The following TGM4 variants were observed in gnomAD, a reference collection of about 807,000 sequenced individuals.
TGM4 encodes the protein protein-glutamine gamma-glutamyltransferase 4.
TGM4 carries 61 observed loss-of-function variants against 76.3 expected under a neutral mutation model. The ratio of observed to expected loss-of-function variants is 0.80; its 90% CI spans 0.65 to 0.99. The LOEUF is 0.99. Among genes scored for constraint, TGM4 ranks in the 50% least tolerant of loss-of-function variants. TGM4 has a pLI of 0.00. For synonymous variants in TGM4, 337 were observed against 329.8 expected, an observed-to-expected ratio of 1.02 and a Z score of -0.24; for missense variants, 794 against 843.2, an observed-to-expected ratio of 0.94 and a Z score of 0.72.
In TGM4 at chr3:44,888,251, G is replaced by A. The variant is rs76225567; in HGVS notation, c.300+456G>A. On this transcript the variant is annotated intron_variant, in intron 3 of 13. Transcript: ENST00000296125. ...CCGAGTGTGTGGCTTACGGTGGCTG[G>A]TTTTCCACCCTTTTTGGGAGCACTG... 1,083 of 169,372 alleles carry A rather than the reference G, an allele frequency of 6.4e-3. 11 individuals carry two copies. Among genetic ancestry groups the A allele is most frequent in the African/African-American group, 0.023 (978 of 42,086 alleles). The allele number at this position is 169,372 out of a possible 1,614,324, so 10.5% of individuals were successfully genotyped here.
At position 44,913,819 on chromosome 3, in the gene TGM4, A is replaced by G; in HGVS notation, c.*94A>G. ...TATGGATGATTAAATTTGATGACTT[A>G]TATGAGGGCAGATTCAAGAGCCAGC... is the stretch of plus-strand genomic sequence containing the variant. On this transcript the variant is annotated 3_prime_UTR_variant, in exon 14 of 14. Coordinates refer to ENST00000296125, the MANE Select transcript of TGM4 (RefSeq NM_003241.4). 1 of 1,507,846 alleles carries G rather than the reference A, an allele frequency of 6.6e-7. No homozygotes were observed. Among genetic ancestry groups the G allele is most frequent in the South Asian group, 1.3e-5 (1 of 74,238 alleles). The allele number at this position is 1,507,846 out of a possible 1,614,324, so 93.4% of individuals were successfully genotyped here. A position where few individuals can be genotyped will look rare whatever the true frequency, so the allele number is the denominator to read the frequency against.
chr3:44,876,653 A>G (rs1699455255), intron 1 of TGM4, among the ~76,000 whole-genome samples: 1 of 152,262 alleles, frequency 6.6e-6, no homozygotes, highest in Non-Finnish European at 1.5e-5. Flanking sequence ...AAGAAAATGA[A>G]GGCAATATGA....
At chr3:44,903,782 T>A in intron 8 of TGM4, 102 bp from the exon 9 acceptor site, 1 of 1,079,312 alleles carries the variant, frequency 9.3e-7, no homozygotes, top group Admixed American at 1.7e-5. Flanking sequence ...ACAACCTCAG[T>A]GGGTCCCCGG....
intron 13 of TGM4, among the ~76,000 whole-genome samples, chr3:44,912,255 T>C (rs1013978453): frequency 6.6e-6 from 1 of 152,246 alleles, no homozygotes; most frequent in African/African-American, 2.4e-5. Context: ...CCTAGGTGCA[T>C]AGAAATATTC....
intron 1 of TGM4, among the ~76,000 whole-genome samples, chr3:44,881,743 T>G (rs1029230760): frequency 2.0e-5 from 3 of 152,258 alleles, no homozygotes; most frequent in African/African-American, 7.2e-5. Flanking sequence ...ACTTTGCTTT[T>G]TAAAACTCCA....
intron 3 of TGM4, chr3:44,888,013 C>T (rs906703136): frequency 1.1e-5 from 6 of 545,354 alleles, no homozygotes; most frequent in African/African-American, 1.9e-5. Flanking sequence ...TCCTACATGT[C>T]ACCCTTCCCC....
At chr3:44,900,072 G>T (rs751793365) in intron 6 of TGM4, among the ~76,000 whole-genome samples, 2 of 152,206 alleles carry the variant, frequency 1.3e-5, no homozygotes, top group Non-Finnish European at 2.9e-5. Flanking sequence ...GCTTTGTTCC[G>T]CAGGGGGATA....
At chr3:44,891,016 G>A (rs1057339173) in intron 4 of TGM4, among the ~76,000 whole-genome samples, 5 of 152,202 alleles carry the variant, frequency 3.3e-5, no homozygotes, top group African/African-American at 9.7e-5. Context: ...CTTCGTGGGG[G>A]TGGGGAGGGG....
intron 5 of TGM4, among the ~76,000 whole-genome samples, chr3:44,895,857 A>C (rs1041912738): frequency 5.3e-5 from 8 of 152,210 alleles, no homozygotes; most frequent in Admixed American, 2.0e-4. Context: ...ATTTTATGAG[A>C]TATAAATGAT....
chr3:44,904,608 G>C (rs78256552), intron 9 of TGM4, among the ~76,000 whole-genome samples: 4,853 of 152,254 alleles, frequency 0.032, 246 homozygotes, highest in African/African-American at 0.11. Context: ...TAAATAGTGA[G>C]TCCTAGTACT....
rs145555133 is a variant in TGM4 at position 44,910,242 on chromosome 3, C to A, written c.1480C>A (p.Leu494Ile). 6.2e-6 allele frequency: 10 copies of A among 1,614,242 alleles called. No homozygotes were observed. Among genetic ancestry groups the A allele is most frequent in the Non-Finnish European group, 8.5e-6 (10 of 1,180,042 alleles). The change falls in exon 11 of 14, where the codon CTT (leucine) becomes ATT (isoleucine). Residue 494 changes from leucine (L) to isoleucine (I), a missense_variant. Physicochemically the swap from Leu to Ile is conservative, Grantham distance 5. Coordinates refer to ENST00000296125, the MANE Select transcript of TGM4 (RefSeq NM_003241.4). ...LGNSVNFTVILKRKTAALQNV... is the reference protein window; with the variant it reads ...LGNSVNFTVIIKRKTAALQNV... ...AAACTCTGTTAATTTCACCGTGATTCTTAAAAGGAAGACCGCTGCCCTACA... is the reference window on the plus strand; with the variant it reads ...AAACTCTGTTAATTTCACCGTGATTATTAAAAGGAAGACCGCTGCCCTACA...
chr3:44,897,972 G>T (rs906071458), intron 6 of TGM4, among the ~76,000 whole-genome samples: 1 of 152,098 alleles, frequency 6.6e-6, no homozygotes, highest in African/African-American at 2.4e-5. Flanking sequence ...GCCTCACACG[G>T]ATACGTAGAT....
chr3:44,881,852 G>C (rs544626691), intron 1 of TGM4, among the ~76,000 whole-genome samples: 1 of 152,300 alleles, frequency 6.6e-6, no homozygotes, highest in African/African-American at 2.4e-5. Context: ...ATCCATTGCA[G>C]AGACTTTTGT....
At chr3:44,883,481 G>A (rs1371363731) in intron 1 of TGM4, among the ~76,000 whole-genome samples, 5 of 152,174 alleles carry the variant, frequency 3.3e-5, no homozygotes, top group Non-Finnish European at 7.3e-5. Context: ...CCAGAACTGT[G>A]AGAAATAAAT....
At chr3:44,874,724 C>G (rs372296914) in intron 1 of TGM4, 27 bp downstream of exon 1, 44 of 1,613,896 alleles carry the variant, frequency 2.7e-5, no homozygotes, top group Non-Finnish European at 3.6e-5. Context: ...TCCATGGAGC[C>G]CCACATGCCC....
chr3:44,886,117 G>C (rs1220340679), intron 2 of TGM4, among the ~76,000 whole-genome samples: 1 of 152,168 alleles, frequency 6.6e-6, no homozygotes, highest in Non-Finnish European at 1.5e-5. Context: ...GCCGAGGCAG[G>C]CAGATCACCT....
In TGM4 at chr3:44,896,797, G is replaced by A; in HGVS notation, c.638G>A (p.Cys213Tyr). Residue 213 changes from cysteine to tyrosine, a missense_variant, in exon 6 of 14, where the codon TGC becomes TAC. Coordinates refer to ENST00000296125, the MANE Select transcript of TGM4 (RefSeq NM_003241.4). ...GATAGGAGGGACCCCGTGCTGGTGT[G>A]CAGGGCCATGTGTGCTATGGTAGGT... is the stretch of plus-strand genomic sequence containing the variant. ...PTDRRDPVLV[C>Y]RAMCAMMSFE... The A allele has an allele frequency of 1.2e-6, 2 of 1,614,168 alleles. No individual in the cohort carries two copies. The highest frequency in any genetic ancestry group is 1.1e-5 in the South Asian group (1 of 91,088).
At chr3:44,878,833 T>C (rs1402666875) in intron 1 of TGM4, among the ~76,000 whole-genome samples, 2 of 152,158 alleles carry the variant, frequency 1.3e-5, no homozygotes, top group African/African-American at 4.8e-5. Context: ...AGAGGATTCA[T>C]GTCTCTCATT....
intron 2 of TGM4, among the ~76,000 whole-genome samples, chr3:44,886,406 C>A (rs748339451): frequency 4.6e-5 from 7 of 152,148 alleles, no homozygotes; most frequent in African/African-American, 1.7e-4. Context: ...CCTGGGAGAG[C>A]GCTCCTTTTG....
Sources: allele counts gnomAD v4.1 joint callset (sites outside exome capture counted in the v4.1 genomes callset), GRCh38; gene constraint gnomAD v4.1.1; transcripts MANE v1.5; gene names NCBI Gene and HGNC (gene_info 2026-07-23, HGNC 2026-07-21).